The following GAS2L3 variants were observed in gnomAD, a reference collection of about 807,000 sequenced individuals.
GAS2L3 encodes the protein GAS2-like protein 3.
In GAS2L3, 28 loss-of-function variants were observed where a neutral mutation model predicts 37.0. That is an observed-to-expected ratio of 0.76 (90% CI 0.56 to 1.04). The LOEUF (loss-of-function observed/expected upper bound fraction) is 1.04. Ranked by LOEUF, GAS2L3 falls within the 50% of genes least tolerant of loss-of-function variation. The pLI is 0.00. For synonymous variants in GAS2L3, 290 were observed against 296.6 expected, an observed-to-expected ratio of 0.98 and a Z score of 0.23; for missense variants, 793 against 817.6, an observed-to-expected ratio of 0.97 and a Z score of 0.37.
At chr12:100,610,236 A>T (rs771162857) in intron 5 of GAS2L3, among the ~76,000 whole-genome samples, 1 of 152,272 alleles carries the variant, frequency 6.6e-6, no homozygotes, top group African/African-American at 2.4e-5. Flanking sequence ...CTAAATGTTT[A>T]TCAACAGAGA....
At position 100,601,810 on chromosome 12, in the gene GAS2L3, C is replaced by T. The variant is rs1477449466; in HGVS notation, c.303+57C>T. 9.7e-6 allele frequency: 8 copies of T among 827,842 alleles called. No homozygotes were observed. The East Asian group carries it at 1.8e-4, about 19-fold the overall frequency. The allele number at this position is 827,842 out of a possible 1,614,324, so 51.3% of individuals were successfully genotyped here. ...GTCTTGGTACATATTAATTTATGTA[C>T]ACTTCTTATCTCTAGAAGGTTGTAA... On this transcript the variant is annotated intron_variant, in intron 5 of 9. Transcript: ENST00000547754.
intron 1 of GAS2L3, among the ~76,000 whole-genome samples, chr12:100,587,364 A>G (rs1731664202): frequency 6.6e-6 from 1 of 152,214 alleles, no homozygotes; most frequent in Non-Finnish European, 1.5e-5. Context: ...ATCCAACAAC[A>G]TATCAAAAAG....
At position 100,600,362 on chromosome 12, in the gene GAS2L3, T is replaced by C. The variant is rs1373310146; in HGVS notation, c.19-20T>C. Reference sequence around the variant, plus strand: ...GCAAAGGTTTTATTCATTCAGTTGATTGATTTTTTTTTTCTTTAGGTATGG... The same window carrying C: ...GCAAAGGTTTTATTCATTCAGTTGACTGATTTTTTTTTTCTTTAGGTATGG... On this transcript the variant is annotated intron_variant, in intron 3 of 9. Coordinates refer to ENST00000547754, the MANE Select transcript of GAS2L3 (RefSeq NM_174942.3). 1.2e-5 allele frequency: 18 copies of C among 1,518,684 alleles called. No homozygotes were observed. The highest frequency in any genetic ancestry group is 2.4e-5 in the South Asian group (2 of 83,006). The allele number at this position is 1,518,684 out of a possible 1,614,324, so 94.1% of individuals were successfully genotyped here.
At chr12:100,586,337 C>T (rs987661547) in intron 1 of GAS2L3, among the ~76,000 whole-genome samples, 3 of 152,152 alleles carry the variant, frequency 2.0e-5, no homozygotes, top group South Asian at 4.1e-4. Context: ...GGGCATAAAA[C>T]GAGCCTCAGT....
chr12:100,619,551 C>A (rs1301561949), intron 8 of GAS2L3, among the ~76,000 whole-genome samples: 1 of 151,854 alleles, frequency 6.6e-6, no homozygotes, highest in African/African-American at 2.4e-5. Flanking sequence ...GATAACCTTG[C>A]AAGACAGATT....
chr12:100,624,965 T>C lies in GAS2L3; in HGVS notation c.*75T>C. The C allele has an allele frequency of 8.4e-7, 1 of 1,187,110 alleles. No individual in the cohort carries two copies. The highest frequency in any genetic ancestry group is 1.2e-6 in the Non-Finnish European group (1 of 840,736). The allele number at this position is 1,187,110 out of a possible 1,614,324, so 73.5% of individuals were successfully genotyped here. ...TTCACATCTTAAAAGTTTCTCCTAT[T>C]TGTGTCTGTCTAAATAGGTGCAGAC... On this transcript the variant is annotated 3_prime_UTR_variant, in exon 10 of 10. Transcript: ENST00000547754.
intron 8 of GAS2L3, chr12:100,618,837 T>C: frequency 2.5e-6 from 1 of 405,272 alleles, no homozygotes; most frequent in Non-Finnish European, 4.3e-6. Flanking sequence ...TTGGAACTCA[T>C]CATGAAGAGA....
chr12:100,607,380 T>C (rs1287902435), intron 5 of GAS2L3, among the ~76,000 whole-genome samples: 1 of 152,190 alleles, frequency 6.6e-6, no homozygotes, highest in Admixed American at 6.5e-5. Flanking sequence ...TTTGGGAGTT[T>C]ATTAAATGTC....
chr12:100,584,153 G>A (rs573741122), intron 1 of GAS2L3, among the ~76,000 whole-genome samples: 53 of 152,100 alleles, frequency 3.5e-4, no homozygotes, highest in Non-Finnish European at 7.4e-4. Context: ...ACTTATGCTT[G>A]GCTAAGCAGT....
At chr12:100,585,151 G>T (rs2136397887) in intron 1 of GAS2L3, among the ~76,000 whole-genome samples, 1 of 150,250 alleles carries the variant, frequency 6.7e-6, no homozygotes, top group East Asian at 2.0e-4. Context: ...TGCCTGCCTT[G>T]GCCTCCCAAA....
chr12:100,622,401 C>A lies in GAS2L3; in HGVS notation c.756+19C>A, dbSNP rs746062124. 3.4e-6 allele frequency: 4 copies of A among 1,169,266 alleles called. No individual in the cohort carries two copies. In the African/African-American group the frequency reaches 6.1e-5, roughly 18 times the overall value. 72.4% of individuals were successfully genotyped at this position (1,169,266 alleles called of 1,614,324 possible). On this transcript the variant is annotated intron_variant, in intron 9 of 9. Coordinates refer to ENST00000547754, the MANE Select transcript of GAS2L3 (RefSeq NM_174942.3). ...TATAAGAGTAAGTCCATTATTTACA[C>A]TTTATTTACACATAAATACTGTTTT...
At chr12:100,583,675 T>C (rs1339749145) in intron 1 of GAS2L3, among the ~76,000 whole-genome samples, 1 of 152,158 alleles carries the variant, frequency 6.6e-6, no homozygotes, top group African/African-American at 2.4e-5. Context: ...GGCTTCACCA[T>C]GTTAGCCAGG....
intron 3 of GAS2L3, among the ~76,000 whole-genome samples, chr12:100,596,552 G>A (rs1955914596): frequency 1.3e-5 from 2 of 151,898 alleles, no homozygotes; most frequent in Admixed American, 6.6e-5. Context: ...GACTTCCCAG[G>A]ATTTCCACCT....
chr12:100,623,620 G>A lies in GAS2L3; in HGVS notation c.815G>A (p.Gly272Glu). The A allele has an allele frequency of 6.2e-7, 1 of 1,613,346 alleles. No homozygotes were observed. The highest frequency in any genetic ancestry group is 8.5e-7 in the Non-Finnish European group (1 of 1,179,702). ...GGTGGAGGCTGGGATACTCTTCAAG[G>A]ATTTTTGCTTAAATATGACCCCTGT... ...RVGGGWDTLQ[G>E]FLLKYDPCRI... is the part of the protein sequence containing the mutation. Residue 272 changes from glycine (G) to glutamate (E), a missense_variant, in exon 10 of 10, where the codon GGA becomes GAA. Physicochemically the swap from Gly to Glu is moderately conservative, Grantham distance 98 (BLOSUM62 -2). Coordinates refer to ENST00000547754, the MANE Select transcript of GAS2L3 (RefSeq NM_174942.3).
At chr12:100,588,886 C>T (rs968896952) in intron 1 of GAS2L3, among the ~76,000 whole-genome samples, 3 of 152,130 alleles carry the variant, frequency 2.0e-5, no homozygotes, top group African/African-American at 4.8e-5. Context: ...CCTGACCCCA[C>T]GGGCAGTCAG....
Position 100,584,820 on chromosome 12 carries a change from C to A in GAS2L3, c.-151-6916C>A, listed in dbSNP as rs572725041. On this transcript the variant is annotated intron_variant, in intron 1 of 9. Coordinates refer to ENST00000547754, the MANE Select transcript of GAS2L3 (RefSeq NM_174942.3). ...TTTCAAGACCTCGTGAACCACCCAC[C>A]TTGGCCTCCCAAAGTGCTGGGATTA... Among the ~76,000 whole-genome samples, 158 of 151,218 alleles carry A rather than the reference C, an allele frequency of 1.0e-3. 2 individuals are homozygous for A. Among genetic ancestry groups the A allele is most frequent in the Admixed American group, 1.6e-3 (24 of 15,184 alleles).
At chr12:100,575,542 C>T (rs1422242779) in intron 1 of GAS2L3, among the ~76,000 whole-genome samples, 1 of 124,122 alleles carries the variant, frequency 8.1e-6, no homozygotes, top group African/African-American at 3.2e-5. Context: ...AGTGCAGTGG[C>T]GCGATCTCGG....
rs1956335403 is a variant in GAS2L3 at position 100,626,692 on chromosome 12, T to C, written c.*1802T>C. The C allele has an allele frequency of 6.6e-6, 1 of 152,208 alleles. No individual in the cohort carries two copies. The highest frequency in any genetic ancestry group is 1.5e-5 in the Non-Finnish European group (1 of 68,024). The allele number at this position is 152,208 out of a possible 1,614,324, so 9.4% of individuals were successfully genotyped here. Reference sequence around the variant, plus strand: ...ATTGTAGGCAATTTATGAATCCTAGTAGATTTTACAATATGTAATTTATGT... The same window carrying C: ...ATTGTAGGCAATTTATGAATCCTAGCAGATTTTACAATATGTAATTTATGT... On this transcript the variant is annotated 3_prime_UTR_variant, in exon 10 of 10. Coordinates refer to ENST00000547754, the MANE Select transcript of GAS2L3 (RefSeq NM_174942.3).
chr12:100,624,905 TA>T lies in GAS2L3; in HGVS notation c.*22del, dbSNP rs762640768. ...CTAGAAAATAAATACATACTCATTA[TA>T]AAAAAAGAGAAAAGGAAGAATGAAT... On this transcript the variant is annotated 3_prime_UTR_variant, in exon 10 of 10. Transcript: ENST00000547754. The T allele has an allele frequency of 4.0e-6, 6 of 1,511,864 alleles. No homozygotes were observed. The highest frequency in any genetic ancestry group is 5.4e-6 in the Non-Finnish European group (6 of 1,113,402). 93.7% of individuals were successfully genotyped at this position (1,511,864 alleles called of 1,614,324 possible).
Sources: allele counts gnomAD v4.1 joint callset (sites outside exome capture counted in the v4.1 genomes callset), GRCh38; gene constraint gnomAD v4.1.1; transcripts MANE v1.5; gene names NCBI Gene and HGNC (gene_info 2026-07-23, HGNC 2026-07-21).